TEX11: variants seen among roughly 807,000 people sequenced by gnomAD.
TEX11 encodes testis-expressed protein 11.
A neutral mutation model predicts 84.4 loss-of-function variants in TEX11; 7 were observed. The observed-to-expected ratio is 0.08, with a 90% confidence interval of 0.05 to 0.16. TEX11 has a LOEUF of 0.16. Ranked by LOEUF, TEX11 falls within the 10% of genes least tolerant of loss-of-function variation. The pLI, the probability that TEX11 is intolerant of heterozygous loss-of-function variation, is 1.00. For synonymous variants in TEX11, 264 were observed against 222.8 expected (o/e 1.18, Z -1.64); for missense variants, 551 against 660.5 (o/e 0.83, Z 1.82).
At chrX:70,864,522 G>C (rs2091587312) in intron 4 of TEX11, among the ~76,000 whole-genome samples, 1 of 109,080 alleles carries the variant, frequency 9.2e-6, no homozygotes, top group African/African-American at 3.3e-5. Context: ...CGGATCACAA[G>C]GTCAGGAGTT....
At chrX:70,728,517 T>A (rs1762850309) in intron 11 of TEX11, among the ~76,000 whole-genome samples, 1 of 112,614 alleles carries the variant, frequency 8.9e-6, no homozygotes, top group African/African-American at 3.2e-5. Flanking sequence ...GGAAATTAAA[T>A]CCCACCCCTG....
At chrX:70,641,741 C>G (rs2089661565) in intron 17 of TEX11, among the ~76,000 whole-genome samples, 1 of 109,808 alleles carries the variant, frequency 9.1e-6, no homozygotes, top group African/African-American at 3.3e-5. Flanking sequence ...ACACAACATA[C>G]CAGAATCTCT....
intron 2 of TEX11, 83 bp from the exon 3 acceptor site, chrX:70,880,192 A>T (rs1602206523): frequency 1.4e-6 from 1 of 735,051 alleles, no homozygotes; most frequent in East Asian, 3.8e-5. Context: ...TCTATGTCTA[A>T]ATCATTGGCC....
rs1045611703 is a variant in TEX11 at position 70,810,689 on chromosome X, T to C, written c.607-3899A>G. 8.1e-5 allele frequency among the ~76,000 whole-genome samples: 9 copies of C among 110,598 alleles called. No individual in the cohort carries two copies. The East Asian group carries it at 2.5e-3, about 31-fold the overall frequency. On this transcript the variant is annotated intron_variant, in intron 8 of 29. Coordinates refer to ENST00000374333, the MANE Select transcript of TEX11 (RefSeq NM_031276.3). ...GGATAGCATTAGGAGAAATACCTAA[T>C]GTAGATGACGGGTTAATGGATGCAG...
chrX:70,569,193 C>T (rs1006691883), intron 25 of TEX11, among the ~76,000 whole-genome samples: 6 of 112,100 alleles, frequency 5.4e-5, no homozygotes, highest in Non-Finnish European at 7.5e-5. Context: ...TCCAGTTGAT[C>T]GCATCGGCTC....
chrX:70,694,102 T>G (rs973978254), intron 13 of TEX11, among the ~76,000 whole-genome samples: 1 of 111,153 alleles, frequency 9.0e-6, no homozygotes, highest in Non-Finnish European at 1.9e-5. Context: ...TGGAGTGCAG[T>G]GGTGCGATCT....
intron 25 of TEX11, among the ~76,000 whole-genome samples, chrX:70,575,650 T>C (rs2088663706): frequency 9.0e-6 from 1 of 111,428 alleles, no homozygotes; most frequent in Admixed American, 9.6e-5. Flanking sequence ...TCCAGAAATG[T>C]GAGAAAAAAA....
At chrX:70,780,929 G>C (rs1481952733) in intron 9 of TEX11, among the ~76,000 whole-genome samples, 2 of 112,589 alleles carry the variant, frequency 1.8e-5, no homozygotes, top group African/African-American at 3.2e-5. Flanking sequence ...AAAAGTCCCT[G>C]TCTGACAGCT....
At chrX:70,670,587 C>A (rs991509436) in intron 15 of TEX11, 73 bp from the exon 16 acceptor site, 6 of 1,081,426 alleles carry the variant, frequency 5.5e-6, no homozygotes, top group Non-Finnish European at 7.3e-6. Flanking sequence ...CCTCTAGAAA[C>A]AAATAAAAGA....
At chrX:70,591,594 C>A (rs994805203) in intron 25 of TEX11, among the ~76,000 whole-genome samples, 157 bp downstream of exon 25, 1 of 110,707 alleles carries the variant, frequency 9.0e-6, no homozygotes, top group Non-Finnish European at 1.9e-5. Flanking sequence ...CACAGTGAGA[C>A]CCTGACTCGA....
intron 9 of TEX11, among the ~76,000 whole-genome samples, chrX:70,792,997 G>A (rs892141726): frequency 2.7e-5 from 3 of 111,366 alleles, no homozygotes; most frequent in African/African-American, 9.8e-5. Flanking sequence ...AATTCACCAC[G>A]ATCAAGTAGG....
chrX:70,693,452 T>C (rs1373814420), intron 13 of TEX11, among the ~76,000 whole-genome samples: 1 of 111,759 alleles, frequency 8.9e-6, no homozygotes, highest in Non-Finnish European at 1.9e-5. Context: ...AATTCCCTCA[T>C]TTACAAAAAC....
chrX:70,631,473 C>A (rs1381746775), intron 17 of TEX11, among the ~76,000 whole-genome samples: 1 of 110,225 alleles, frequency 9.1e-6, no homozygotes, highest in Non-Finnish European at 1.9e-5. Context: ...CTCTGCCAAC[C>A]CTGATTCCAC....
At position 70,702,598 on chromosome X, in the gene TEX11, C is replaced by A. The variant is rs749351324; in HGVS notation, c.1005-19773G>T. Reference sequence around the variant, plus strand: ...CATATAGTTCTATGTCATTTTGTCACACATGAAGATTCATGCAACTACCAT... The same window carrying A: ...CATATAGTTCTATGTCATTTTGTCAAACATGAAGATTCATGCAACTACCAT... On this transcript the variant is annotated intron_variant, in intron 13 of 29. Coordinates refer to ENST00000374333, the MANE Select transcript of TEX11 (RefSeq NM_031276.3). Among the ~76,000 whole-genome samples the A allele has an allele frequency of 7.6e-4, 85 of 111,626 alleles. 1 individual carries two copies. Among genetic ancestry groups the A allele is most frequent in the African/African-American group, 2.7e-3 (82 of 30,756 alleles).
At chrX:70,904,344 A>G (rs2091818813) in intron 2 of TEX11, among the ~76,000 whole-genome samples, 1 of 111,764 alleles carries the variant, frequency 8.9e-6, no homozygotes, top group South Asian at 3.7e-4. Flanking sequence ...TCAGGAAAAT[A>G]TAAGTCAAAA....
chrX:70,773,244 A>G (rs2090982222), intron 9 of TEX11, among the ~76,000 whole-genome samples: 2 of 108,782 alleles, frequency 1.8e-5, no homozygotes, highest in Admixed American at 9.9e-5. Flanking sequence ...AATAAAAGTC[A>G]AAAAAAAAGG....
chrX:70,777,332 A>T (rs1015674138), intron 9 of TEX11, among the ~76,000 whole-genome samples: 22 of 112,189 alleles, frequency 2.0e-4, no homozygotes, highest in African/African-American at 7.1e-4. Flanking sequence ...TTATGTGATC[A>T]TAATTAAGTT....
chrX:70,763,476 A>G (rs1164938401), intron 9 of TEX11, among the ~76,000 whole-genome samples: 1 of 111,060 alleles, frequency 9.0e-6, no homozygotes, highest in East Asian at 2.8e-4. Context: ...GGGATAAAAA[A>G]TTACATATTG....
intron 25 of TEX11, among the ~76,000 whole-genome samples, chrX:70,567,853 G>C (rs1442185036): frequency 9.0e-6 from 1 of 111,485 alleles, no homozygotes; most frequent in African/African-American, 3.3e-5. Context: ...AATAGGTGTG[G>C]TGTGGTGCAG....
Sources: gnomAD v4.1 joint callset for allele counts (sites outside exome capture counted in the v4.1 genomes callset) on GRCh38, gnomAD v4.1.1 for gene constraint, MANE v1.5 for transcripts, NCBI Gene and HGNC (gene_info 2026-07-23, HGNC 2026-07-21) for gene names.